FLT4: variants seen among roughly 807,000 people sequenced by gnomAD.
FLT4 encodes vascular endothelial growth factor receptor 3.
FLT4 carries 30 observed loss-of-function variants against 163.2 expected under a neutral mutation model. The ratio of observed to expected loss-of-function variants is 0.18; its 90% CI spans 0.14 to 0.25. FLT4 has a LOEUF of 0.25. Ranked by LOEUF, FLT4 falls within the 10% of genes least tolerant of loss-of-function variation. The pLI is 1.00. For synonymous variants in FLT4, 884 were observed against 789.5 expected (o/e 1.12, Z -2.01); for missense variants, 1,510 against 1,863.8 (o/e 0.81, Z 3.50).
At chr5:180,608,242 A>C (rs1761913074) in intron 29 of FLT4, 2 of 700,852 alleles carry the variant, frequency 2.9e-6, no homozygotes, top group Non-Finnish European at 2.6e-6. Context: ...GCAGAGAAGA[A>C]AATGCTGACG....
At chr5:180,612,293 G>A in intron 26 of FLT4, 1 of 597,514 alleles carries the variant, frequency 1.7e-6, no homozygotes, top group Non-Finnish European at 3.0e-6. Context: ...ACAGCACCTG[G>A]AGCAGGCAGT....
chr5:180,649,402 G>A, intron 1 of FLT4, 86 bp downstream of exon 1: 1 of 1,018,720 alleles, frequency 9.8e-7, no homozygotes, highest in South Asian at 1.7e-5. Context: ...ACCCGGCGGA[G>A]CGGTCTCAGC....
rs573813758 is a variant in FLT4 at position 180,616,442 on chromosome 5, G to A, written c.3144C>T (p.Ser1048=). The change falls in exon 23 of 30, where the codon AGC becomes AGT. Residue 1048 remains serine (S), a synonymous_variant. Coordinates refer to ENST00000261937, the MANE Select transcript of FLT4 (RefSeq NM_182925.5). Reference sequence around the variant, plus strand: ...CAAAGTCACAGATCTTCACCACGTCGCTTTCCGACAGCAGAATGTTCCGAG... The same window carrying A: ...CAAAGTCACAGATCTTCACCACGTCACTTTCCGACAGCAGAATGTTCCGAG... The part of the protein sequence containing the change: ...LAARNILLSE[S]DVVKICDFGL... 2.0e-5 allele frequency: 33 copies of A among 1,613,952 alleles called. No individual in the cohort carries two copies. The highest frequency in any genetic ancestry group is 3.3e-5 in the Admixed American group (2 of 60,028).
At position 180,616,915 on chromosome 5, in the gene FLT4, G is replaced by A. The variant is rs1448614065; in HGVS notation, c.3081C>T (p.Phe1027=). 2 of 1,613,288 alleles carry A rather than the reference G, an allele frequency of 1.2e-6. No homozygotes were observed. The highest frequency in any genetic ancestry group is 1.7e-6 in the Non-Finnish European group (2 of 1,179,770). The change falls in exon 22 of 30, where the codon TTC becomes TTT. Residue 1027 remains phenylalanine (F), a synonymous_variant. Transcript: ENST00000261937. ...YSFQVARGME[F]LASRKCIHRD... ...GGAAGCTCACCTTTCGGGAAGCCAG[G>A]AACTCCATCCCTCTGGCCACCTGGA...
rs752151565 is a variant in FLT4 at position 180,620,963 on chromosome 5, C to T, written c.2212G>A (p.Val738Met). 1.9e-6 allele frequency: 3 copies of T among 1,610,770 alleles called. No homozygotes were observed. The highest frequency in any genetic ancestry group is 2.5e-6 in the Non-Finnish European group (3 of 1,178,792). Reference sequence around the variant, plus strand: ...TAGCGTCCCGCATCCTCCTCGCGCACGCGCTGGATGCTCAGCTTCTGGTTG... The same window carrying T: ...TAGCGTCCCGCATCCTCCTCGCGCATGCGCTGGATGCTCAGCTTCTGGTTG... ...DSNQKLSIQR[V>M]REEDAGRYLC... Residue 738 changes from valine (V) to methionine (M), a missense_variant, in exon 15 of 30, where the codon GTG becomes ATG. Coordinates refer to ENST00000261937, the MANE Select transcript of FLT4 (RefSeq NM_182925.5). This position sits in a 1 kb window ranked among gnomAD's most constrained non-coding sequence, Gnocchi z 4.4.
At position 180,647,285 on chromosome 5, in the gene FLT4, C is replaced by T. The variant is rs530560370; in HGVS notation, c.58+2203G>A. Among the ~76,000 whole-genome samples the T allele has an allele frequency of 3.9e-5, 6 of 152,318 alleles. No individual in the cohort carries two copies. The East Asian group carries it at 1.2e-3, about 29-fold the overall frequency. ...GTGGAACTGCAGCAGGCATCTGGGT[C>T]TTGGAGTCCAGCCCAAGCACACACA... is the stretch of plus-strand genomic sequence containing the variant. On this transcript the variant is annotated intron_variant, in intron 1 of 29. Transcript: ENST00000261937.
In FLT4 at chr5:180,646,857, C is replaced by T. The variant is rs144810309; in HGVS notation, c.58+2631G>A. 2.9e-4 allele frequency among the ~76,000 whole-genome samples: 44 copies of T among 152,316 alleles called. No individual in the cohort carries two copies. The East Asian group carries it at 8.5e-3, about 29-fold the overall frequency. ...ATCACACCTCGTACCCTGTCTGGGCCCAGCCATGTGGGCCCTATGCTCTGG... is the reference window on the plus strand; with the variant it reads ...ATCACACCTCGTACCCTGTCTGGGCTCAGCCATGTGGGCCCTATGCTCTGG... On this transcript the variant is annotated intron_variant, in intron 1 of 29. Coordinates refer to ENST00000261937, the MANE Select transcript of FLT4 (RefSeq NM_182925.5).
intron 1 of FLT4, among the ~76,000 whole-genome samples, chr5:180,646,373 A>G (rs307812): frequency 0.58 from 88,605 of 151,812 alleles, 25,952 homozygotes; most frequent in East Asian, 0.62. Flanking sequence ...GCACTGCCGC[A>G]TCTCCAGCCT....
At chr5:180,638,136 G>T (rs933940207) in intron 1 of FLT4, among the ~76,000 whole-genome samples, 3 of 152,116 alleles carry the variant, frequency 2.0e-5, no homozygotes, top group African/African-American at 7.2e-5. Context: ...GCTGGCCACC[G>T]CCGTCTCTCT....
chr5:180,629,678 C>A lies in FLT4; in HGVS notation c.816+18G>T, dbSNP rs761356839. The A allele has an allele frequency of 6.2e-7, 1 of 1,608,862 alleles. No homozygotes were observed. The highest frequency in any genetic ancestry group is 8.5e-7 in the Non-Finnish European group (1 of 1,178,252). ...GACTCCTGGGGACAGGACAGCCTGG[C>A]AGCGCTGCTGACCTCACCTGCTTCC... On this transcript the variant is annotated intron_variant, in intron 6 of 29. Transcript: ENST00000261937.
At chr5:180,634,645 A>C (rs1233316333) in intron 1 of FLT4, among the ~76,000 whole-genome samples, 1 of 134,620 alleles carries the variant, frequency 7.4e-6, no homozygotes, top group Non-Finnish European at 1.5e-5. Context: ...CAGTGAGTGG[A>C]GATCGCACCA....
rs147644625 is a variant in FLT4, at chr5:180,628,982, C to T, written c.1003G>A (p.Val335Ile). 8 of 1,612,448 alleles carry T rather than the reference C, an allele frequency of 5.0e-6. No individual in the cohort carries two copies. In the Admixed American group the frequency reaches 5.0e-5, roughly 10 times the overall value. ...VIVHENPFIS[V>I]EWLKGPILEA... ...AGGATGGGTCCTTTGAGCCACTCGA[C>T]GCTGATGAAGGGATTTTCTGCCGGA... The change falls in exon 8 of 30, where the codon GTC becomes ATC. Residue 335 changes from valine to isoleucine, a missense_variant. Val to Ile is a conservative substitution (Grantham distance 29, BLOSUM62 3). Around this residue, in one of 5 missense-constraint regions of FLT4, gnomAD observed 163 missense variants for 281.1 expected, o/e 0.58. Transcript: ENST00000261937.
Position 180,619,104 on chromosome 5 carries a change from G to C in FLT4, c.2767C>G (p.Leu923Val), listed in dbSNP as rs779946440. Reference protein sequence around the residue: ...LGACTKPQGPLMVIVEFCKYG... With the variant: ...LGACTKPQGPVMVIVEFCKYG... Reference sequence around the variant, plus strand: ...TTGCAGAACTCCACGATCACCATGAGGGGGCCTGCGGCGGGACCGGGCGGC... The same window carrying C: ...TTGCAGAACTCCACGATCACCATGACGGGGCCTGCGGCGGGACCGGGCGGC... Residue 923 changes from leucine (L) to valine (V), a missense_variant, in exon 20 of 30, where the codon CTC becomes GTC. Around this residue, in one of 5 missense-constraint regions of FLT4, gnomAD observed 878 missense variants for 1,016.7 expected, o/e 0.86. Transcript: ENST00000261937. The C allele has an allele frequency of 6.5e-7, 1 of 1,529,354 alleles. No individual in the cohort carries two copies. Among genetic ancestry groups the C allele is most frequent in the Non-Finnish European group, 8.8e-7 (1 of 1,140,006 alleles). 94.7% of individuals were successfully genotyped at this position (1,529,354 alleles called of 1,614,324 possible). A position where few individuals can be genotyped will look rare whatever the true frequency, so the allele number is the denominator to read the frequency against.
chr5:180,628,372 C>T (rs1763803305), intron 8 of FLT4, among the ~76,000 whole-genome samples: 1 of 152,296 alleles, frequency 6.6e-6, no homozygotes, highest in Middle Eastern at 3.4e-3. Context: ...CGGGGATCTG[C>T]GGGGACTCCA....
chr5:180,624,747 C>T (rs1001303311), intron 10 of FLT4, among the ~76,000 whole-genome samples: 1 of 152,238 alleles, frequency 6.6e-6, no homozygotes, highest in Non-Finnish European at 1.5e-5. Context: ...CTCTGCCCAG[C>T]CTCTCCCTCT....
chr5:180,637,243 T>C (rs1158478619), intron 1 of FLT4, among the ~76,000 whole-genome samples: 3 of 149,314 alleles, frequency 2.0e-5, no homozygotes, highest in Non-Finnish European at 4.4e-5. Context: ...GGCAGGAGAA[T>C]CGCTTGAACC....
At position 180,626,227 on chromosome 5, in the gene FLT4, G is replaced by A. The variant is rs376366358; in HGVS notation, c.1142C>T (p.Pro381Leu). 1.2e-6 allele frequency: 2 copies of A among 1,612,658 alleles called. No individual in the cohort carries two copies. The highest frequency in any genetic ancestry group is 1.7e-6 in the Non-Finnish European group (2 of 1,180,012). ...CACCTCCTTGAGCACCAGGGCATGT[G>A]GACTGTGGCGCCCGGACAGTGCCTT... ...DGKALSGRHS[P>L]HALVLKEVTE... is the part of the protein sequence containing the mutation. Residue 381 changes from proline (P) to leucine (L), a missense_variant, in exon 9 of 30, where the codon CCA becomes CTA. By Grantham distance (98) the Pro-to-Leu change is moderately conservative. Coordinates refer to ENST00000261937, the MANE Select transcript of FLT4 (RefSeq NM_182925.5).
At chr5:180,611,539 G>GCCCCCACCCTCAGCCCTCA in intron 26 of FLT4, 60 bp from the exon 27 acceptor site, 2 of 1,575,782 alleles carry the variant, frequency 1.3e-6, no homozygotes, top group Non-Finnish European at 1.7e-6. Context: ...CTCAGCCCTC[G>GCCCCCACCCTCAGCCCTCA]CCCCCACCCT....
At chr5:180,628,859 C>G (rs1272741050) in intron 8 of FLT4, 23 bp downstream of exon 8, 1 of 1,511,428 alleles carries the variant, frequency 6.6e-7, no homozygotes, top group Non-Finnish European at 9.1e-7. Context: ...TCGGCGGGGT[C>G]GGTGGGGAGC....
Sources: allele counts gnomAD v4.1 joint callset (sites outside exome capture counted in the v4.1 genomes callset), GRCh38; gene constraint gnomAD v4.1.1; regional missense constraint gnomAD v4.1.1; non-coding constraint Gnocchi (gnomAD v3.1); transcripts MANE v1.5; gene names NCBI Gene and HGNC (gene_info 2026-07-23, HGNC 2026-07-21).